KLHL22: variants seen among roughly 807,000 people sequenced by gnomAD.
The protein encoded by KLHL22 is kelch like family member 22.
In KLHL22, 18 loss-of-function variants were observed where a neutral mutation model predicts 60.7. The observed-to-expected ratio is 0.30, with a 90% CI of 0.20 to 0.44. KLHL22 has a LOEUF of 0.44. Among genes scored for constraint, KLHL22 ranks in the 20% least tolerant of loss-of-function variants. The pLI is 1.00. For synonymous variants in KLHL22, 355 were observed against 354.5 expected, an observed-to-expected ratio of 1.00 and a Z score of -0.01; for missense variants, 596 against 852.3, an observed-to-expected ratio of 0.70 and a Z score of 3.74.
Position 20,451,653 on chromosome 22 carries a change from T to C in KLHL22, c.1306-4977A>G, listed in dbSNP as rs550263496. ...CCAGTATGACCACTCCACGATGCTA[T>C]GTAGGGGCCACAGTGCTTCGGGGGA... On this transcript the variant is annotated intron_variant, in intron 5 of 6. Coordinates refer to ENST00000328879, the MANE Select transcript of KLHL22 (RefSeq NM_032775.4). The C allele has an allele frequency of 7.5e-6, 12 of 1,606,080 alleles. No individual in the cohort carries two copies. The East Asian group carries it at 1.1e-4, about 15-fold the overall frequency.
At chr22:20,448,743 T>C (rs965262685) in intron 5 of KLHL22, among the ~76,000 whole-genome samples, 3 of 151,944 alleles carry the variant, frequency 2.0e-5, no homozygotes, top group African/African-American at 4.8e-5. Flanking sequence ...GTATACAGAG[T>C]AGTTTTCATT....
At chr22:20,470,691 GATGGATGGATGGATGGATGGATGCATGC>G (rs1264075563) in intron 3 of KLHL22, among the ~76,000 whole-genome samples, 230 of 150,470 alleles carry the variant, frequency 1.5e-3, no homozygotes, top group African/African-American at 5.5e-3. Context: ...TGGATGGATG[GATGGATGGATGGATGGATGGATGCATGC>G]ATGGATGGAT....
At chr22:20,477,669 T>C (rs939953140) in intron 2 of KLHL22, among the ~76,000 whole-genome samples, 2 of 152,074 alleles carry the variant, frequency 1.3e-5, no homozygotes, top group African/African-American at 4.8e-5. Context: ...AGAAAGAAGA[T>C]ATGAGACATT....
intron 5 of KLHL22, chr22:20,451,839 C>G: frequency 6.3e-7 from 1 of 1,597,294 alleles, no homozygotes. Flanking sequence ...TGTTGGAGCA[C>G]CATCCAGAGC....
chr22:20,495,795 T>TGGAGGGAGGAGGGA (rs1186836981), upstream of KLHL22: 1 of 151,290 alleles, frequency 6.6e-6, no homozygotes, highest in African/African-American at 2.4e-5. The surrounding 1 kb of genome is among the most constrained non-coding windows in gnomAD (Gnocchi z 4.6). Context: ...CACTCGCAGC[T>TGGAGGGAGGAGGGA]GGAGGGAGGC....
chr22:20,493,033 C>T lies in KLHL22; in HGVS notation c.-34+2727G>A, dbSNP rs564620819. The T allele has an allele frequency of 1.1e-3, 421 of 400,232 alleles. 6 individuals are homozygous for T. Among genetic ancestry groups the T allele is most frequent in the South Asian group, 7.5e-3 (403 of 53,798 alleles). The allele number at this position is 400,232 out of a possible 1,614,324, so 24.8% of individuals were successfully genotyped here. ...TCTGGGCACTTGTCTCATATACCCA[C>T]GCCTCAGCTTTCTCATCACCACCAT... On this transcript the variant is annotated intron_variant, in intron 1 of 6. Coordinates refer to ENST00000328879, the MANE Select transcript of KLHL22 (RefSeq NM_032775.4).
chr22:20,478,435 C>T (rs1323813965), intron 2 of KLHL22, among the ~76,000 whole-genome samples: 3 of 151,272 alleles, frequency 2.0e-5, no homozygotes, highest in Non-Finnish European at 4.4e-5. Flanking sequence ...GAACTCCCGA[C>T]CTCAGGTGAT....
In KLHL22 at chr22:20,483,051, G is replaced by C. The variant is rs753918136; in HGVS notation, c.227+5934C>G. The C allele has an allele frequency of 6.0e-6, 4 of 664,660 alleles. No individual in the cohort carries two copies. In the African/African-American group the frequency reaches 7.1e-5, roughly 12 times the overall value. 41.2% of individuals were successfully genotyped at this position (664,660 alleles called of 1,614,324 possible). A position where few individuals can be genotyped will look rare whatever the true frequency, so the allele number is the denominator to read the frequency against. ...TAGGCCTGGCACTGTCCCTCTGCCC[G>C]GATTTGTGCCACCTCTGACTCCAGG... On this transcript the variant is annotated intron_variant, in intron 2 of 6. Coordinates refer to ENST00000328879, the MANE Select transcript of KLHL22 (RefSeq NM_032775.4).
intron 2 of KLHL22, chr22:20,488,459 G>A (rs904850675): frequency 6.0e-5 from 10 of 165,420 alleles, no homozygotes; most frequent in African/African-American, 2.4e-4. Flanking sequence ...AGGTGCTAGG[G>A]ATAAGAGACA....
chr22:20,449,763 CAGAT>C (rs775434112), intron 5 of KLHL22, among the ~76,000 whole-genome samples: 7 of 152,188 alleles, frequency 4.6e-5, no homozygotes, highest in African/African-American at 1.4e-4. Context: ...AGTCCTTTGT[CAGAT>C]AGGTGGTTTG....
intron 5 of KLHL22, among the ~76,000 whole-genome samples, chr22:20,453,559 G>A (rs2053013812): frequency 6.6e-6 from 1 of 152,092 alleles, no homozygotes; most frequent in Admixed American, 6.6e-5. Context: ...CTGTAGCTAT[G>A]TAGTAATCTT....
At chr22:20,450,940 G>C in intron 5 of KLHL22, 2 of 1,611,470 alleles carry the variant, frequency 1.2e-6, no homozygotes, top group Non-Finnish European at 1.7e-6. Context: ...CAGGACAAGG[G>C]CTCGCCTAGG....
chr22:20,454,107 TC>T (rs1162824029), intron 5 of KLHL22, among the ~76,000 whole-genome samples: 1 of 152,108 alleles, frequency 6.6e-6, no homozygotes, highest in Admixed American at 6.6e-5. Flanking sequence ...GGCAGACAGA[TC>T]CCTTGAGACC....
chr22:20,489,658 A>C, intron 1 of KLHL22: 3 of 469,296 alleles, frequency 6.4e-6, no homozygotes, highest in South Asian at 3.1e-5. Context: ...TAAAACAATG[A>C]ACATGAAGCA....
At chr22:20,483,059 G>A in intron 2 of KLHL22, 1 of 662,944 alleles carries the variant, frequency 1.5e-6, no homozygotes, top group Non-Finnish European at 2.8e-6. Flanking sequence ...CCGGATTTGT[G>A]CCACCTCTGA....
rs2053222928 is a variant in KLHL22 at position 20,465,635 on chromosome 22, A to T, written c.394-59T>A. On this transcript the variant is annotated intron_variant, in intron 3 of 6. Coordinates refer to ENST00000328879, the MANE Select transcript of KLHL22 (RefSeq NM_032775.4). The surrounding 1 kb of genome is among the most constrained non-coding windows in gnomAD (Gnocchi z 4.9). Reference sequence around the variant, plus strand: ...CTGGTGAACAGCATCTGGGGGTGGGAGAGAGAATGATGGCAGAAATACGGG... The same window carrying T: ...CTGGTGAACAGCATCTGGGGGTGGGTGAGAGAATGATGGCAGAAATACGGG... 1.2e-6 allele frequency: 1 copy of T among 864,928 alleles called. No homozygotes were observed. The highest frequency in any genetic ancestry group is 1.7e-5 in the African/African-American group (1 of 60,594). 53.6% of individuals were successfully genotyped at this position (864,928 alleles called of 1,614,324 possible).
chr22:20,484,190 G>A (rs948173126), intron 2 of KLHL22: 18 of 503,636 alleles, frequency 3.6e-5, no homozygotes, highest in Admixed American at 4.5e-5. Flanking sequence ...ACGGGGTTTC[G>A]CCATGTTGGC....
chr22:20,471,050 G>A (rs941080149), intron 3 of KLHL22, among the ~76,000 whole-genome samples: 10 of 152,186 alleles, frequency 6.6e-5, no homozygotes, highest in Non-Finnish European at 1.0e-4. Flanking sequence ...ATGCAGCCTC[G>A]GGTCAGCCTA....
At chr22:20,479,551 T>A (rs2146263787) in intron 2 of KLHL22, among the ~76,000 whole-genome samples, 1 of 151,286 alleles carries the variant, frequency 6.6e-6, no homozygotes, top group South Asian at 2.1e-4. Flanking sequence ...ATAATTTTTT[T>A]AAAAAACTGG....
Sources: gnomAD v4.1 joint callset for allele counts (sites outside exome capture counted in the v4.1 genomes callset) on GRCh38, gnomAD v4.1.1 for gene constraint, Gnocchi (gnomAD v3.1) non-coding constraint, MANE v1.5 for transcripts, NCBI Gene and HGNC (gene_info 2026-07-23, HGNC 2026-07-21) for gene names.